OTUD7B: variants seen among roughly 807,000 people sequenced by gnomAD.
OTUD7B encodes OTU domain-containing protein 7B.
A neutral mutation model predicts 82.2 loss-of-function variants in OTUD7B; 34 were observed. The ratio of observed to expected loss-of-function variants is 0.41; its 90% confidence interval spans 0.31 to 0.55. The LOEUF (loss-of-function observed/expected upper bound fraction) is 0.55, where lower values mean the gene tolerates loss of function less well. Among genes scored for constraint, OTUD7B ranks in the 20% least tolerant of loss-of-function variants. The pLI is 0.20. For synonymous variants in OTUD7B, 398 were observed against 402.7 expected (o/e 0.99, Z 0.14); for missense variants, 944 against 1,062.1 (o/e 0.89, Z 1.55).
At chr1:150,043,540 T>A in the OTUD7B span, among the ~76,000 whole-genome samples, 3 of 152,112 alleles carry the variant, frequency 2.0e-5, no homozygotes, top group African/African-American at 4.8e-5. Context: ...AAAAATGGAA[T>A]AGACTTATTG....
At chr1:150,049,452 C>T in the OTUD7B span, among the ~76,000 whole-genome samples, 1 of 152,064 alleles carries the variant, frequency 6.6e-6, no homozygotes, top group Non-Finnish European at 1.5e-5. Flanking sequence ...CCCCAATTCA[C>T]TATGACTTGT....
chr1:150,043,640 A>ACT, the OTUD7B span, among the ~76,000 whole-genome samples: 1 of 152,168 alleles, frequency 6.6e-6, no homozygotes, highest in Admixed American at 6.5e-5. Context: ...CTTTTACATC[A>ACT]AACTAGTTGA....
upstream of OTUD7B, among the ~76,000 whole-genome samples, chr1:150,014,628 G>A (rs1653217323): frequency 6.6e-6 from 1 of 152,034 alleles, no homozygotes; most frequent in Non-Finnish European, 1.5e-5. Context: ...TTACAATGGA[G>A]TACAAATTTA....
At chr1:150,052,263 T>G in the OTUD7B span, among the ~76,000 whole-genome samples, 1 of 152,186 alleles carries the variant, frequency 6.6e-6, no homozygotes, top group African/African-American at 2.4e-5. Context: ...ATTCCATATT[T>G]AGAAAACCCC....
At chr1:150,032,930 C>T in the OTUD7B span, among the ~76,000 whole-genome samples, 1 of 152,188 alleles carries the variant, frequency 6.6e-6, no homozygotes, top group Non-Finnish European at 1.5e-5. Flanking sequence ...CACACATATA[C>T]TTTACTTGCT....
At chr1:149,982,836 TC>T (rs1650858073) in intron 1 of OTUD7B, among the ~76,000 whole-genome samples, 1 of 9,990 alleles carries the variant, frequency 1.0e-4, no homozygotes, top group African/African-American at 3.3e-4. Flanking sequence ...GCTTCTCCTC[TC>T]TTACTTTTTT....
At chr1:149,991,336 C>A (rs910823475) in intron 1 of OTUD7B, among the ~76,000 whole-genome samples, 3 of 152,002 alleles carry the variant, frequency 2.0e-5, no homozygotes, top group Admixed American at 6.6e-5. Context: ...CTGATCGTAC[C>A]TTTTATAATA....
At chr1:150,060,773 T>C in the OTUD7B span, among the ~76,000 whole-genome samples, 2 of 152,206 alleles carry the variant, frequency 1.3e-5, no homozygotes, top group Admixed American at 6.5e-5. Context: ...ACATACCCTC[T>C]ACCCATCTTA....
At chr1:149,993,483 G>A (rs1553782679) in intron 1 of OTUD7B, among the ~76,000 whole-genome samples, 2 of 152,276 alleles carry the variant, frequency 1.3e-5, no homozygotes, top group Admixed American at 1.3e-4. Context: ...TTAACAAAAG[G>A]TTTATTAAGT....
At chr1:149,985,160 C>G (rs1441978045) in intron 1 of OTUD7B, among the ~76,000 whole-genome samples, 1 of 152,182 alleles carries the variant, frequency 6.6e-6, no homozygotes, top group Non-Finnish European at 1.5e-5. Flanking sequence ...GTAATCCCAG[C>G]ACTTTGGGAG....
the OTUD7B span, among the ~76,000 whole-genome samples, chr1:150,060,805 T>C: frequency 6.6e-6 from 1 of 152,240 alleles, no homozygotes; most frequent in African/African-American, 2.4e-5. Flanking sequence ...ATCAGCATTA[T>C]AGTTGAAGCA....
At chr1:149,956,356 A>G (rs1229258769) in intron 7 of OTUD7B, among the ~76,000 whole-genome samples, 3 of 152,160 alleles carry the variant, frequency 2.0e-5, no homozygotes, top group Non-Finnish European at 4.4e-5. Context: ...ACTGTTGAAT[A>G]TTGGCCCCCA....
chr1:149,966,083 CAATTT>C (rs1443124226), intron 4 of OTUD7B, among the ~76,000 whole-genome samples: 3 of 152,198 alleles, frequency 2.0e-5, no homozygotes, highest in African/African-American at 7.2e-5. Context: ...TGAGTAGGGT[CAATTT>C]TGTCCCAAAG....
chr1:150,036,207 G>A, the OTUD7B span, among the ~76,000 whole-genome samples: 1 of 150,770 alleles, frequency 6.6e-6, no homozygotes, highest in Non-Finnish European at 1.5e-5. Context: ...TCCCACCTGG[G>A]CATCCCAAAG....
chr1:150,029,261 T>G, the OTUD7B span, among the ~76,000 whole-genome samples: 2 of 152,152 alleles, frequency 1.3e-5, no homozygotes, highest in African/African-American at 2.4e-5. Flanking sequence ...AAAGTTTCAG[T>G]GATAAAACAA....
chr1:150,052,622 C>T, the OTUD7B span, among the ~76,000 whole-genome samples: 1 of 151,988 alleles, frequency 6.6e-6, no homozygotes, highest in Non-Finnish European at 1.5e-5. Context: ...AATGTTATTC[C>T]TATCAAACTA....
chr1:149,952,723 C>T (rs1648355902), intron 7 of OTUD7B, among the ~76,000 whole-genome samples: 2 of 152,106 alleles, frequency 1.3e-5, no homozygotes, highest in African/African-American at 4.8e-5. Flanking sequence ...TGTTTCCTGA[C>T]TTTTTTAATG....
the OTUD7B span, among the ~76,000 whole-genome samples, chr1:150,039,214 AT>A: frequency 7.2e-5 from 11 of 152,166 alleles, no homozygotes; most frequent in East Asian, 2.1e-3. Context: ...TCTTGTCTAT[AT>A]TCTCTCTTCA....
intron 1 of OTUD7B, among the ~76,000 whole-genome samples, chr1:150,003,256 A>AG (rs1652426952): frequency 9.1e-5 from 1 of 10,994 alleles, no homozygotes; most frequent in African/African-American, 3.8e-4. Context: ...TCTCAAAAAA[A>AG]AAAAAAAAAA....
Sources: allele counts gnomAD v4.1 joint callset (sites outside exome capture counted in the v4.1 genomes callset), GRCh38; gene constraint gnomAD v4.1.1; transcripts MANE v1.5; gene names NCBI Gene and HGNC (gene_info 2026-07-23, HGNC 2026-07-21).